Variants in TNIP2 observed in about 807,000 individuals in gnomAD.
TNIP2 encodes the protein TNFAIP3 interacting protein 2.
In TNIP2, 30 loss-of-function variants were observed where a neutral mutation model predicts 43.7. The ratio of observed to expected loss-of-function variants is 0.69; its 90% confidence interval spans 0.51 to 0.93. The LOEUF (loss-of-function observed/expected upper bound fraction) is 0.93, where lower values mean the gene tolerates loss of function less well. Among genes scored for constraint, TNIP2 ranks in the 40% least tolerant of loss-of-function variants. TNIP2 has a pLI of 0.00. For synonymous variants in TNIP2, 260 were observed against 254.6 expected (o/e 1.02, Z -0.20); for missense variants, 599 against 591.0 (o/e 1.01, Z -0.14).
At chr4:2,749,011 G>A (rs915294269) in intron 1 of TNIP2, among the ~76,000 whole-genome samples, 1 of 151,022 alleles carries the variant, frequency 6.6e-6, no homozygotes, top group Admixed American at 6.6e-5. Flanking sequence ...GGCTGGTCTT[G>A]AACTCCTGGG....
At position 2,744,848 on chromosome 4, in the gene TNIP2, T is replaced by C; in HGVS notation, c.755A>G (p.His252Arg). 1 of 1,614,008 alleles carries C rather than the reference T, an allele frequency of 6.2e-7. No homozygotes were observed. The highest frequency in any genetic ancestry group is 8.5e-7 in the Non-Finnish European group (1 of 1,180,032). The change falls in exon 4 of 6, where the codon CAC (histidine) becomes CGC (arginine). Residue 252 changes from histidine to arginine, a missense_variant. Transcript: ENST00000315423. This position sits in a 1 kb window ranked among gnomAD's most constrained non-coding sequence, Gnocchi z 5.1. ...HAQLRGLQIP[H>R]EPELMRKEIS... The stretch of plus-strand genomic sequence containing the variant: ...CTCCTTCCTCATCAGCTCGGGCTCG[T>C]GGGGGATCTGCAGCCCCCTGAGCTG...
At chr4:2,743,037 C>T (rs142818351) in intron 5 of TNIP2, among the ~76,000 whole-genome samples, 144 of 152,334 alleles carry the variant, frequency 9.5e-4, no homozygotes, top group African/African-American at 3.4e-3. Context: ...CACATGTTCT[C>T]CAAACATCCG....
chr4:2,748,429 G>A (rs1211430382), intron 1 of TNIP2, among the ~76,000 whole-genome samples: 1 of 151,990 alleles, frequency 6.6e-6, no homozygotes, highest in Non-Finnish European at 1.5e-5. Context: ...TGCAAGCTCC[G>A]CCTCAGAGGT....
At chr4:2,748,028 C>T (rs1265832069) in intron 1 of TNIP2, 83 bp from the exon 2 acceptor site, 2 of 1,463,702 alleles carry the variant, frequency 1.4e-6, no homozygotes, top group African/African-American at 1.4e-5. Flanking sequence ...AAAAGAAGAC[C>T]TGGCGTGGAT....
rs755915638 is a variant in TNIP2 at position 2,744,727 on chromosome 4, C to T, written c.876G>A (p.Ala292=). The T allele has an allele frequency of 4.4e-6, 7 of 1,605,454 alleles. No homozygotes were observed. Among genetic ancestry groups the T allele is most frequent in the Non-Finnish European group, 4.2e-6 (5 of 1,179,950 alleles). ...GTTCCAGCATCTGCACCCGCTCCAA[C>T]GCAGCATCCCGGGCCGTCCTGGAGG... ...LAASRTARDA[A]LERVQMLEQQ... Residue 292 remains alanine, a synonymous_variant, in exon 4 of 6, where the codon GCG becomes GCA. Coordinates refer to ENST00000315423, the MANE Select transcript of TNIP2 (RefSeq NM_024309.4). The surrounding 1 kb of genome is among the most constrained non-coding windows in gnomAD (Gnocchi z 5.1).
intron 1 of TNIP2, 27 bp downstream of exon 1, chr4:2,755,987 C>A: frequency 5.2e-6 from 8 of 1,526,170 alleles, no homozygotes; most frequent in Non-Finnish European, 2.6e-6. Flanking sequence ...CTCGCTCCCG[C>A]AGCTCCTCTG....
At chr4:2,753,100 A>C (rs1722143259) in intron 1 of TNIP2, among the ~76,000 whole-genome samples, 1 of 151,990 alleles carries the variant, frequency 6.6e-6, no homozygotes, top group African/African-American at 2.4e-5. Context: ...AAATAAAAAA[A>C]CAAACAAACA....
chr4:2,744,590 G>A lies in TNIP2; in HGVS notation c.907-84C>T. On this transcript the variant is annotated intron_variant, in intron 4 of 5. Coordinates refer to ENST00000315423, the MANE Select transcript of TNIP2 (RefSeq NM_024309.4). This position sits in a 1 kb window ranked among gnomAD's most constrained non-coding sequence, Gnocchi z 5.1. ...TTCTCCCACCCCCACAGTGACCACT[G>A]CCCACTCAGTGCCACCAAGCCTTCA... is the stretch of plus-strand genomic sequence containing the variant. The A allele has an allele frequency of 4.4e-6, 7 of 1,597,478 alleles. No individual in the cohort carries two copies. The South Asian group carries it at 6.7e-5, about 15-fold the overall frequency.
Position 2,747,843 on chromosome 4 carries a change from G to T in TNIP2, c.379C>A (p.Arg127=). 6.2e-7 allele frequency: 1 copy of T among 1,613,704 alleles called. No individual in the cohort carries two copies. The highest frequency in any genetic ancestry group is 8.5e-7 in the Non-Finnish European group (1 of 1,180,036). Residue 127 remains arginine (R), a synonymous_variant, in exon 2 of 6, where the codon CGG becomes AGG. Transcript: ENST00000315423. ...CGCTCCCCTTCTGCCATGCTCCTCC[G>T]TAGCAGGACGACTTCCTTCTCTCGC... The part of the protein sequence containing the change: ...HEREKEVVLL[R]RSMAEGERAR...
At position 2,742,336 on chromosome 4, in the gene TNIP2, T is replaced by A. The variant is rs899540713; in HGVS notation, c.1211A>T (p.Gln404Leu). 6.4e-7 allele frequency: 1 copy of A among 1,574,290 alleles called. No homozygotes were observed. The highest frequency in any genetic ancestry group is 8.6e-7 in the Non-Finnish European group (1 of 1,157,850). Reference protein sequence around the residue: ...GAAQRGQGDLQCPHCLQCFSD... With the variant: ...GAAQRGQGDLLCPHCLQCFSD... ...GAAGCACTGCAGGCAGTGAGGGCAC[T>A]GAAGGTCCCCCTGGCCTCTCTGGGC... The change falls in exon 6 of 6, where the codon CAG (glutamine) becomes CTG (leucine). Residue 404 changes from glutamine to leucine, a missense_variant. Coordinates refer to ENST00000315423, the MANE Select transcript of TNIP2 (RefSeq NM_024309.4).
rs765198488 is a variant in TNIP2 at position 2,742,232 on chromosome 4, C to A, written c.*25G>T. 2.1e-6 allele frequency: 3 copies of A among 1,445,764 alleles called. No homozygotes were observed. In the South Asian group the frequency reaches 4.6e-5, roughly 22 times the overall value. The allele number at this position is 1,445,764 out of a possible 1,614,324, so 89.6% of individuals were successfully genotyped here. Reference sequence around the variant, plus strand: ...AGGGCAGCTGCACCGGGCCAGGAGGCCGCAAGGGCACGGGTGAGTCTCGGT... The same window carrying A: ...AGGGCAGCTGCACCGGGCCAGGAGGACGCAAGGGCACGGGTGAGTCTCGGT... On this transcript the variant is annotated 3_prime_UTR_variant, in exon 6 of 6. Transcript: ENST00000315423.
At chr4:2,752,083 G>A (rs1367591638) in intron 1 of TNIP2, among the ~76,000 whole-genome samples, 5 of 146,534 alleles carry the variant, frequency 3.4e-5, no homozygotes, top group South Asian at 2.2e-4. Flanking sequence ...CCAGCCTGGC[G>A]ACAGAGCAAG....
At chr4:2,747,598 G>A (rs1238205850) in intron 2 of TNIP2, 57 bp downstream of exon 2, 10 of 1,539,402 alleles carry the variant, frequency 6.5e-6, no homozygotes, top group Non-Finnish European at 7.9e-6. Flanking sequence ...GGGGCCTGTA[G>A]GCGATGCTCC....
chr4:2,747,555 G>T, intron 2 of TNIP2, 100 bp downstream of exon 2: 1 of 1,229,644 alleles, frequency 8.1e-7, no homozygotes, highest in Non-Finnish European at 1.1e-6. Context: ...GAACAGAAGT[G>T]GGTTCTGGGG....
chr4:2,751,629 C>T lies in TNIP2; in HGVS notation c.277-3684G>A, dbSNP rs1247792970. On this transcript the variant is annotated intron_variant, in intron 1 of 5. Coordinates refer to ENST00000315423, the MANE Select transcript of TNIP2 (RefSeq NM_024309.4). ...TACAAAAAATACAAAAAACATTAGCCAGGCATGGTGGTGGGCGTTTGTAGT... is the reference window on the plus strand; with the variant it reads ...TACAAAAAATACAAAAAACATTAGCTAGGCATGGTGGTGGGCGTTTGTAGT... 2.6e-5 allele frequency among the ~76,000 whole-genome samples: 4 copies of T among 151,998 alleles called. No individual in the cohort carries two copies. In the East Asian group the frequency reaches 5.8e-4, roughly 22 times the overall value.
intron 1 of TNIP2, among the ~76,000 whole-genome samples, chr4:2,749,542 T>C (rs2109488602): frequency 6.6e-6 from 1 of 152,066 alleles, no homozygotes; most frequent in South Asian, 2.1e-4. Flanking sequence ...ACAACAAAGA[T>C]AGGAGTGACG....
At chr4:2,750,254 G>A (rs1722065725) in intron 1 of TNIP2, among the ~76,000 whole-genome samples, 1 of 152,106 alleles carries the variant, frequency 6.6e-6, no homozygotes, top group Non-Finnish European at 1.5e-5. Flanking sequence ...TCACGGAGGA[G>A]CCCAAGCTTC....
chr4:2,755,827 G>C, intron 1 of TNIP2, 187 bp downstream of exon 1: 6 of 362,716 alleles, frequency 1.7e-5, no homozygotes, highest in South Asian at 2.4e-4. Flanking sequence ...CCCAGGACCC[G>C]GCACCCCCTC....
At position 2,744,572 on chromosome 4, in the gene TNIP2, A is replaced by G; in HGVS notation, c.907-66T>C. On this transcript the variant is annotated intron_variant, in intron 4 of 5. Coordinates refer to ENST00000315423, the MANE Select transcript of TNIP2 (RefSeq NM_024309.4). This position sits in a 1 kb window ranked among gnomAD's most constrained non-coding sequence, Gnocchi z 5.1. ...GGAAGCGCCCCACCAGGCTTCTCCC[A>G]CCCCCACAGTGACCACTGCCCACTC... 5 of 1,601,740 alleles carry G rather than the reference A, an allele frequency of 3.1e-6. No individual in the cohort carries two copies. The highest frequency in any genetic ancestry group is 2.6e-6 in the Non-Finnish European group (3 of 1,173,894).
Sources: gnomAD v4.1 joint callset for allele counts (sites outside exome capture counted in the v4.1 genomes callset) on GRCh38, gnomAD v4.1.1 for gene constraint, Gnocchi (gnomAD v3.1) non-coding constraint, MANE v1.5 for transcripts, NCBI Gene and HGNC (gene_info 2026-07-23, HGNC 2026-07-21) for gene names.